BTBD9: variants seen among roughly 807,000 people sequenced by gnomAD.
BTBD9 encodes BTB domain containing 9, also known as BTB/POZ domain-containing protein 9.
BTBD9 carries 49 observed loss-of-function variants against 64.3 expected under a neutral mutation model. That is an observed-to-expected ratio of 0.76 (90% confidence interval 0.61 to 0.97). The LOEUF is 0.97. Ranked by LOEUF, BTBD9 falls within the 50% of genes least tolerant of loss-of-function variation. BTBD9 has a pLI of 0.00. For synonymous variants in BTBD9, 260 were observed against 274.7 expected (o/e 0.95, Z 0.53); for missense variants, 598 against 762.1 (o/e 0.78, Z 2.53).
intron 4 of BTBD9, chr6:38,587,877 C>A: frequency 1.4e-6 from 1 of 721,672 alleles, no homozygotes; most frequent in Non-Finnish European, 2.6e-6. Flanking sequence ...AATAATGTTA[C>A]GTCGGCATTT....
intron 9 of BTBD9, among the ~76,000 whole-genome samples, chr6:38,226,706 T>C (rs1401525185): frequency 3.9e-5 from 6 of 152,150 alleles, no homozygotes; most frequent in Admixed American, 3.9e-4. Context: ...AACACTTAAA[T>C]CTCAAGGTGC....
chr6:38,488,202 C>T (rs951745301), intron 6 of BTBD9, among the ~76,000 whole-genome samples: 20 of 152,172 alleles, frequency 1.3e-4, no homozygotes, highest in African/African-American at 3.9e-4. Context: ...CCTCCCACTT[C>T]GGCCCCCCAA....
chr6:38,370,195 T>C (rs1005532868), intron 6 of BTBD9, among the ~76,000 whole-genome samples: 2 of 152,246 alleles, frequency 1.3e-5, no homozygotes, highest in Non-Finnish European at 2.9e-5. Context: ...CAGTATGGAA[T>C]CCCGATCACC....
At chr6:38,229,782 T>A (rs145712656) in intron 9 of BTBD9, among the ~76,000 whole-genome samples, 1 of 152,236 alleles carries the variant, frequency 6.6e-6, no homozygotes, top group Non-Finnish European at 1.5e-5. Context: ...TTTATCCCCA[T>A]TAAATTCCAT....
intron 4 of BTBD9, among the ~76,000 whole-genome samples, chr6:38,582,713 C>T (rs1776349070): frequency 1.3e-5 from 2 of 152,186 alleles, no homozygotes; most frequent in Admixed American, 1.3e-4. Context: ...GCTTAAGATT[C>T]AGGCTCTATC....
chr6:38,224,474 T>C (rs1763321367), intron 9 of BTBD9, among the ~76,000 whole-genome samples: 1 of 152,208 alleles, frequency 6.6e-6, no homozygotes, highest in South Asian at 2.1e-4. Context: ...AAGAGGACCC[T>C]TGGGGTAAAA....
chr6:38,241,473 A>G (rs1477469090), intron 9 of BTBD9, among the ~76,000 whole-genome samples: 2 of 152,246 alleles, frequency 1.3e-5, no homozygotes, highest in African/African-American at 2.4e-5. Flanking sequence ...CTAGGAATAC[A>G]AACATTCTTT....
At chr6:38,176,118 C>T (rs1334898319) in intron 10 of BTBD9, among the ~76,000 whole-genome samples, 2 of 152,064 alleles carry the variant, frequency 1.3e-5, no homozygotes, top group Admixed American at 6.5e-5. Flanking sequence ...CAACGTGCTT[C>T]GGGGGGTCCT....
rs533983642 is a variant in BTBD9 at position 38,285,964 on chromosome 6, T to G, written c.1454+2308A>C. ...CTTTAACAAAAATTCTAGAATAGCT[T>G]ACTAAATAGATGGTTTACAAGTACT... is the stretch of plus-strand genomic sequence containing the variant. On this transcript the variant is annotated intron_variant, in intron 8 of 10. Coordinates refer to ENST00000481247, the MANE Select transcript of BTBD9 (RefSeq NM_001099272.2). Among the ~76,000 whole-genome samples, 90 of 152,344 alleles carry G rather than the reference T, an allele frequency of 5.9e-4. 2 individuals are homozygous for G. In the South Asian group the frequency reaches 0.017, roughly 29 times the overall value.
chr6:38,313,844 G>T (rs1443779680), intron 7 of BTBD9, among the ~76,000 whole-genome samples: 8 of 151,232 alleles, frequency 5.3e-5, no homozygotes, highest in African/African-American at 1.9e-4. Context: ...CCGCCTCCGG[G>T]GTTCAAGTGA....
intron 6 of BTBD9, among the ~76,000 whole-genome samples, chr6:38,443,661 T>G (rs1408067426): frequency 6.6e-6 from 1 of 152,180 alleles, no homozygotes; most frequent in African/African-American, 2.4e-5. Flanking sequence ...TCTCGCTCAC[T>G]CATTTCCACC....
chr6:38,257,905 T>C (rs1764651000), intron 8 of BTBD9, among the ~76,000 whole-genome samples: 1 of 151,936 alleles, frequency 6.6e-6, no homozygotes, highest in South Asian at 2.1e-4. Context: ...CGGGCATAAA[T>C]GCATGTAAAT....
At chr6:38,450,883 A>T (rs1195410844) in intron 6 of BTBD9, among the ~76,000 whole-genome samples, 2 of 152,180 alleles carry the variant, frequency 1.3e-5, no homozygotes, top group South Asian at 2.1e-4. Flanking sequence ...TAACTAGACT[A>T]GTTGACCTTT....
chr6:38,175,334 A>G, intron 10 of BTBD9, 152 bp from the exon 11 acceptor site: 1 of 724,992 alleles, frequency 1.4e-6, no homozygotes, highest in Non-Finnish European at 2.3e-6. Context: ...GCCCCGGCGC[A>G]GACACCTGAT....
intron 9 of BTBD9, among the ~76,000 whole-genome samples, chr6:38,249,833 A>T (rs187419864): frequency 5.9e-5 from 9 of 152,168 alleles, no homozygotes; most frequent in Admixed American, 1.3e-4. Context: ...GTAAATGTGG[A>T]GCTACTCTGG....
At chr6:38,326,421 G>A (rs987460246) in intron 7 of BTBD9, among the ~76,000 whole-genome samples, 1 of 152,146 alleles carries the variant, frequency 6.6e-6, no homozygotes, top group Admixed American at 6.5e-5. Flanking sequence ...GTGATTTCGC[G>A]TAAGAGAGCA....
At position 38,583,263 on chromosome 6, in the gene BTBD9, C is replaced by T. The variant is rs141175292; in HGVS notation, c.815-2826G>A. Among the ~76,000 whole-genome samples the T allele has an allele frequency of 5.1e-4, 77 of 152,176 alleles. 1 individual carries two copies. The highest frequency in any genetic ancestry group is 1.9e-3 in the South Asian group (9 of 4,818). On this transcript the variant is annotated intron_variant, in intron 4 of 10. Coordinates refer to ENST00000481247, the MANE Select transcript of BTBD9 (RefSeq NM_001099272.2). The stretch of plus-strand genomic sequence containing the variant: ...CTATAATCCCAGCAGTCTGAGAGGC[C>T]GAGGCAGGTGGATTGCCTGAGAGGT...
intron 6 of BTBD9, among the ~76,000 whole-genome samples, chr6:38,374,305 A>ATGTATATATATATATATATATG (rs1765574616): frequency 1.5e-5 from 1 of 66,618 alleles, no homozygotes; most frequent in Non-Finnish European, 3.0e-5. Flanking sequence ...ATGTATATAT[A>ATGTATATATATATATATATATG]TGTATATATA....
At chr6:38,392,446 G>C (rs1766461678) in intron 6 of BTBD9, among the ~76,000 whole-genome samples, 1 of 152,142 alleles carries the variant, frequency 6.6e-6, no homozygotes, top group Admixed American at 6.5e-5. Flanking sequence ...CAGAGACACA[G>C]CAACTCCTTT....
Sources: gnomAD v4.1 joint callset for allele counts (sites outside exome capture counted in the v4.1 genomes callset) on GRCh38, gnomAD v4.1.1 for gene constraint, MANE v1.5 for transcripts, NCBI Gene and HGNC (gene_info 2026-07-23, HGNC 2026-07-21) for gene names.